The following NPTX1 variants were observed in gnomAD, a reference collection of about 807,000 sequenced individuals.
The protein encoded by NPTX1 is neuronal pentraxin 1, also known as neuronal pentraxin-1.
In NPTX1, 12 loss-of-function variants were observed where a neutral mutation model predicts 38.7. The ratio of observed to expected loss-of-function variants is 0.31; its 90% CI spans 0.20 to 0.50. The LOEUF (loss-of-function observed/expected upper bound fraction) is 0.50. Ranked by LOEUF, NPTX1 falls within the 20% of genes least tolerant of loss-of-function variation. NPTX1 has a pLI of 0.98. For missense variants in NPTX1, 454 were observed against 592.2 expected (o/e 0.77, Z 2.42); for synonymous variants, 272 against 264.9 (o/e 1.03, Z -0.26).
intron 4 of NPTX1, 139 bp downstream of exon 4, chr17:80,471,593 C>A (rs532323576): frequency 1.0e-5 from 14 of 1,379,070 alleles, no homozygotes; most frequent in East Asian, 7.6e-5. Context: ...AGGGCACAGG[C>A]CTTGCCCAGC....
Position 80,475,137 on chromosome 17 carries a change from G to A in NPTX1, c.652+374C>T, listed in dbSNP as rs2143049964. Among the ~76,000 whole-genome samples the A allele has an allele frequency of 6.6e-6, 1 of 152,298 alleles. No homozygotes were observed. The highest frequency in any genetic ancestry group is 2.1e-4 in the South Asian group (1 of 4,826). Reference sequence around the variant, plus strand: ...CTGTACGCTGAGGCTGGGGACCAGGGAGAGACAGGCTTTCTTAAGCAGGGA... The same window carrying A: ...CTGTACGCTGAGGCTGGGGACCAGGAAGAGACAGGCTTTCTTAAGCAGGGA... On this transcript the variant is annotated intron_variant, in intron 2 of 4. Coordinates refer to ENST00000306773, the MANE Select transcript of NPTX1 (RefSeq NM_002522.4). This position sits in a 1 kb window ranked among gnomAD's most constrained non-coding sequence, Gnocchi z 6.5.
Position 80,475,949 on chromosome 17 carries a change from G to A in NPTX1, c.444+54C>T, listed in dbSNP as rs1217781920. Reference sequence around the variant, plus strand: ...CCGGGTAGGGAACGGGGTGGGGGAGGGCAGAGGGGCGAGCGAGCCGGAGGG... The same window carrying A: ...CCGGGTAGGGAACGGGGTGGGGGAGAGCAGAGGGGCGAGCGAGCCGGAGGG... On this transcript the variant is annotated intron_variant, in intron 1 of 4. Transcript: ENST00000306773. The surrounding 1 kb of genome is among the most constrained non-coding windows in gnomAD (Gnocchi z 6.5). 27 of 1,443,780 alleles carry A rather than the reference G, an allele frequency of 1.9e-5. No individual in the cohort carries two copies. Among genetic ancestry groups the A allele is most frequent in the Non-Finnish European group, 2.5e-5 (26 of 1,038,890 alleles). The allele number at this position is 1,443,780 out of a possible 1,614,324, so 89.4% of individuals were successfully genotyped here.
At chr17:80,471,564 T>C (rs1001694553) in intron 4 of NPTX1, among the ~76,000 whole-genome samples, 168 bp downstream of exon 4, 7 of 152,156 alleles carry the variant, frequency 4.6e-5, no homozygotes, top group African/African-American at 1.7e-4. Flanking sequence ...CTGCAGGAAG[T>C]TCAAGTGCAT....
In NPTX1 at chr17:80,476,113, C is replaced by A; in HGVS notation, c.334G>T (p.Gly112Cys). 1 of 1,601,618 alleles carries A rather than the reference C, an allele frequency of 6.2e-7. No individual in the cohort carries two copies. Among genetic ancestry groups the A allele is most frequent in the Non-Finnish European group, 8.5e-7 (1 of 1,176,880 alleles). ...ARAGGGRKQP[G>C]SGKNTMGDLS... ...TCGCCCATGGTGTTCTTGCCCGAGC[C>A]GGGCTGCTTGCGGCCGCCGCCCGCC... Residue 112 changes from glycine to cysteine, a missense_variant, in exon 1 of 5, where the codon GGC becomes TGC. Gly to Cys is a radical substitution (Grantham distance 159). This residue lies in a region of NPTX1 where 288 missense variants were observed against 318.4 expected (regional missense o/e 0.90). Coordinates refer to ENST00000306773, the MANE Select transcript of NPTX1 (RefSeq NM_002522.4). The surrounding 1 kb of genome is among the most constrained non-coding windows in gnomAD (Gnocchi z 6.3).
chr17:80,473,300 C>G lies in NPTX1; in HGVS notation c.797G>C (p.Gly266Ala). ...AGCGTAGGAGAAGGGCGTGCCCACA[C>G]CTGGCGTGGCGCTGGACTTGAGCCA... Reference protein sequence around the residue: ...CMWLKSSATPGVGTPFSYAVP... With the variant: ...CMWLKSSATPAVGTPFSYAVP... The change falls in exon 3 of 5, where the codon GGT becomes GCT. Residue 266 changes from glycine to alanine, a missense_variant. Gly to Ala is a moderately conservative substitution (Grantham distance 60, BLOSUM62 0). This residue lies in a region of NPTX1 where 110 missense variants were observed against 197.5 expected (regional missense o/e 0.56). Coordinates refer to ENST00000306773, the MANE Select transcript of NPTX1 (RefSeq NM_002522.4). The G allele has an allele frequency of 6.2e-7, 1 of 1,614,036 alleles. No individual in the cohort carries two copies. Among genetic ancestry groups the G allele is most frequent in the Non-Finnish European group, 8.5e-7 (1 of 1,180,020 alleles).
chr17:80,474,066 CTGGAG>C (rs2083859220), intron 2 of NPTX1: 2 of 154,492 alleles, frequency 1.3e-5, no homozygotes, highest in East Asian at 3.8e-4. Flanking sequence ...GGGACTCTGC[CTGGAG>C]CTCTGCTGAG....
Position 80,471,898 on chromosome 17 carries a change from G to T in NPTX1, c.911C>A (p.Pro304His). 1 of 1,612,686 alleles carries T rather than the reference G, an allele frequency of 6.2e-7. No individual in the cohort carries two copies. Among genetic ancestry groups the T allele is most frequent in the Non-Finnish European group, 8.5e-7 (1 of 1,179,452 alleles). Residue 304 changes from proline (P) to histidine (H), a missense_variant, in exon 4 of 5, where the codon CCT (proline) becomes CAT (histidine). Pro to His is a moderately conservative substitution (Grantham distance 77). Coordinates refer to ENST00000306773, the MANE Select transcript of NPTX1 (RefSeq NM_002522.4). ...CCACTTGCCATCATTGATGACAAAA[G>T]GCAACTTGGCCACCTGGGAAGGAGA... ...ILINDKVAKL[P>H]FVINDGKWHH... is the part of the protein sequence containing the mutation.
intron 2 of NPTX1, 91 bp from the exon 3 acceptor site, chr17:80,473,535 G>C: frequency 7.5e-7 from 1 of 1,326,392 alleles, no homozygotes; most frequent in East Asian, 2.3e-5. Flanking sequence ...TCTGTGATGC[G>C]TGGCCAGGGC....
chr17:80,474,848 A>C (rs2083869295), intron 2 of NPTX1: 1 of 132,578 alleles, frequency 7.5e-6, no homozygotes, highest in Non-Finnish European at 1.6e-5. Context: ...TGCGACTTCA[A>C]GACAGAGCCT....
rs2083873136 is a variant in NPTX1 at position 80,475,377 on chromosome 17, C to T, written c.652+134G>A. 2 of 646,734 alleles carry T rather than the reference C, an allele frequency of 3.1e-6. No homozygotes were observed. The highest frequency in any genetic ancestry group is 5.2e-6 in the Non-Finnish European group (2 of 384,040). The allele number at this position is 646,734 out of a possible 1,614,324, so 40.1% of individuals were successfully genotyped here. On this transcript the variant is annotated intron_variant, in intron 2 of 4. Transcript: ENST00000306773. This position sits in a 1 kb window ranked among gnomAD's most constrained non-coding sequence, Gnocchi z 6.5. ...GGAAGGGGTGCGGGGAATGAGAAAG[C>T]GGTGCAGGGGTTGGGGGTAGCGGAG... is the stretch of plus-strand genomic sequence containing the variant.
rs745616862 is a variant in NPTX1 at position 80,476,005 on chromosome 17, C to T, written c.442G>A (p.Glu148Lys). 5.0e-6 allele frequency: 8 copies of T among 1,605,084 alleles called. No individual in the cohort carries two copies. Among genetic ancestry groups the T allele is most frequent in the Non-Finnish European group, 5.9e-6 (7 of 1,176,696 alleles). ...QSLKTRLENL[E>K]QYSRLNSSSQ... is the part of the protein sequence containing the mutation. ...CGGAGCCGAGGGCGCGCGCGGACCT[C>T]GAGGTTCTCCAGGCGGGTTTTGAGC... The change falls in exon 1 of 5, where the codon GAG becomes AAG. Residue 148 changes from glutamate to lysine, a missense_variant and splice_region_variant. Glu to Lys is a moderately conservative substitution (Grantham distance 56). Around this residue, in one of 4 missense-constraint regions of NPTX1, gnomAD observed 288 missense variants for 318.4 expected, o/e 0.90. Transcript: ENST00000306773. This position sits in a 1 kb window ranked among gnomAD's most constrained non-coding sequence, Gnocchi z 6.3.
At chr17:80,472,739 T>A (rs1256657404) in intron 3 of NPTX1, among the ~76,000 whole-genome samples, 1 of 152,190 alleles carries the variant, frequency 6.6e-6, no homozygotes, top group Non-Finnish European at 1.5e-5. Context: ...GCTGTCCTGT[T>A]CCAAGGGATC....
chr17:80,473,476 T>C, intron 2 of NPTX1, 32 bp from the exon 3 acceptor site: 1 of 1,609,444 alleles, frequency 6.2e-7, no homozygotes, highest in South Asian at 1.1e-5. Context: ...CATCTGCACC[T>C]GCGTGAAGTG....
chr17:80,473,881 GGGCTC>G, intron 2 of NPTX1: 2 of 199,990 alleles, frequency 1.0e-5, no homozygotes, highest in Admixed American at 5.4e-5. Flanking sequence ...GGATGGGGCG[GGGCTC>G]AGAGCCTCTC....
At position 80,475,517 on chromosome 17, in the gene NPTX1, C is replaced by T; in HGVS notation, c.646G>A (p.Glu216Lys). 4 of 1,611,430 alleles carry T rather than the reference C, an allele frequency of 2.5e-6. No individual in the cohort carries two copies. The highest frequency in any genetic ancestry group is 2.5e-6 in the Non-Finnish European group (3 of 1,179,512). Residue 216 changes from glutamate (E) to lysine (K), a missense_variant, in exon 2 of 5, where the codon GAG becomes AAG. Coordinates refer to ENST00000306773, the MANE Select transcript of NPTX1 (RefSeq NM_002522.4). The surrounding 1 kb of genome is among the most constrained non-coding windows in gnomAD (Gnocchi z 6.5). ...CTCCCCCTGGCCCCAGTACCTTTCT[C>T]GAGCTCGCTGATCCGCTGGTGCAGG... ...TSLHQRISELEKGQKDNRPGD... is the reference protein window; with the variant it reads ...TSLHQRISELKKGQKDNRPGD...
At chr17:80,472,472 G>A (rs1036097394) in intron 3 of NPTX1, among the ~76,000 whole-genome samples, 1 of 152,170 alleles carries the variant, frequency 6.6e-6, no homozygotes, top group Non-Finnish European at 1.5e-5. Context: ...ATTCCAGGTC[G>A]GGAGGATGAC....
At chr17:80,471,961 C>A (rs758251569) in intron 3 of NPTX1, 50 bp from the exon 4 acceptor site, 1 of 1,511,766 alleles carries the variant, frequency 6.6e-7, no homozygotes, top group Non-Finnish European at 8.9e-7. Flanking sequence ...GGGTACAGCC[C>A]AGAAGCCATA....
Position 80,470,717 on chromosome 17 carries a change from A to C in NPTX1, c.*96T>G. On this transcript the variant is annotated 3_prime_UTR_variant, in exon 5 of 5. Transcript: ENST00000306773. ...TGTGCAGGGGCGACGGCCTCGGTTCATTCCTGGGGAAAAGGGAGAGAAGAG... is the reference window on the plus strand; with the variant it reads ...TGTGCAGGGGCGACGGCCTCGGTTCCTTCCTGGGGAAAAGGGAGAGAAGAG... The C allele has an allele frequency of 2.2e-6, 2 of 916,394 alleles. No homozygotes were observed. The highest frequency in any genetic ancestry group is 1.6e-5 in the South Asian group (1 of 62,182). 56.8% of individuals were successfully genotyped at this position (916,394 alleles called of 1,614,324 possible).
In NPTX1 at chr17:80,470,685, G is replaced by A. The variant is rs983468505; in HGVS notation, c.*128C>T. 67 of 648,942 alleles carry A rather than the reference G, an allele frequency of 1.0e-4. 1 individual carries two copies. Among genetic ancestry groups the A allele is most frequent in the South Asian group, 1.9e-4 (10 of 52,688 alleles). 40.2% of individuals were successfully genotyped at this position (648,942 alleles called of 1,614,324 possible). A position where few individuals can be genotyped will look rare whatever the true frequency, so the allele number is the denominator to read the frequency against. On this transcript the variant is annotated 3_prime_UTR_variant, in exon 5 of 5. Coordinates refer to ENST00000306773, the MANE Select transcript of NPTX1 (RefSeq NM_002522.4). ...ATGAGGACAAAACCAGGCTGTGTGC[G>A]TGTGCGTGTGCAGGGGCGACGGCCT... is the stretch of plus-strand genomic sequence containing the variant.
Sources: allele counts gnomAD v4.1 joint callset (sites outside exome capture counted in the v4.1 genomes callset), GRCh38; gene constraint gnomAD v4.1.1; regional missense constraint gnomAD v4.1.1; non-coding constraint Gnocchi (gnomAD v3.1); transcripts MANE v1.5; gene names NCBI Gene and HGNC (gene_info 2026-07-23, HGNC 2026-07-21).